POLR3A: variants seen among roughly 807,000 people sequenced by gnomAD.
POLR3A encodes RNA polymerase III subunit A.
POLR3A carries 112 observed loss-of-function variants against 152.8 expected under a neutral mutation model. The ratio of observed to expected loss-of-function variants is 0.73; its 90% CI spans 0.63 to 0.86. POLR3A has a LOEUF of 0.86. Ranked by LOEUF, POLR3A falls within the 40% of genes least tolerant of loss-of-function variation. The probability of loss-of-function intolerance (pLI) is 0.00; values close to 1 mark genes in which losing one functional copy is unlikely to be tolerated. For synonymous variants in POLR3A, 615 were observed against 652.1 expected (o/e 0.94, Z 0.87); for missense variants, 1,385 against 1,743.1 (o/e 0.79, Z 3.66).
rs1847490102 is a variant in POLR3A, at chr10:78,013,794, T to C, written c.1432-4A>G. ...TCCGGTGGGGCTTGACCCTGGCCTG[T>C]GGAACACAAAACAAAACAAAACAGG... On this transcript the variant is annotated splice_region_variant and splice_polypyrimidine_tract_variant and intron_variant, in intron 10 of 30. Transcript: ENST00000372371. 3 of 1,614,134 alleles carry C rather than the reference T, an allele frequency of 1.9e-6. No homozygotes were observed. Among genetic ancestry groups the C allele is most frequent in the Non-Finnish European group, 2.5e-6 (3 of 1,180,024 alleles).
At chr10:78,000,216 A>G (rs1847343673) in intron 18 of POLR3A, 98 bp from the exon 19 acceptor site, 4 of 1,005,222 alleles carry the variant, frequency 4.0e-6, no homozygotes, top group Non-Finnish European at 1.5e-6. Context: ...CCTTGAGACT[A>G]TAAATACCTG....
Position 78,009,870 on chromosome 10 carries a change from G to C in POLR3A, c.1764C>G (p.Ile588Met), listed in dbSNP as rs372916792. Reference sequence around the variant, plus strand: ...ACACAACTCCCACACACACCTTTAGGATTGTAGGCGGTGGGAGGCGAACTT... The same window carrying C: ...ACACAACTCCCACACACACCTTTAGCATTGTAGGCGGTGGGAGGCGAACTT... The part of the protein sequence containing the change: ...KIKVRLPPPT[I>M]LKPVTLWTGK... The change falls in exon 13 of 31, where the codon ATC becomes ATG. Residue 588 changes from isoleucine to methionine, a missense_variant. Physicochemically the swap from Ile to Met is conservative, Grantham distance 10 (BLOSUM62 1). Around this residue, in one of 7 missense-constraint regions of POLR3A, gnomAD observed 188 missense variants for 179.9 expected, o/e 1.04. Transcript: ENST00000372371. 5.0e-6 allele frequency: 8 copies of C among 1,614,038 alleles called. No homozygotes were observed. Among genetic ancestry groups the C allele is most frequent in the Non-Finnish European group, 5.9e-6 (7 of 1,179,984 alleles).
At position 77,999,165 on chromosome 10, in the gene POLR3A, C is replaced by T. The variant is rs180781162; in HGVS notation, c.2616+816G>A. Among the ~76,000 whole-genome samples the T allele has an allele frequency of 4.1e-3, 618 of 151,796 alleles. 3 individuals carry two copies. The highest frequency in any genetic ancestry group is 0.012 in the African/African-American group (495 of 41,372). On this transcript the variant is annotated intron_variant, in intron 19 of 30. Coordinates refer to ENST00000372371, the MANE Select transcript of POLR3A (RefSeq NM_007055.4). ...GGGGACTGTTGTGGGGTAGGGGGAG[C>T]GGGGAGGGATAGCATTAGGAGATAT... is the stretch of plus-strand genomic sequence containing the variant.
chr10:77,992,185 C>T (rs1338727195), intron 20 of POLR3A, among the ~76,000 whole-genome samples: 1 of 152,154 alleles, frequency 6.6e-6, no homozygotes, highest in African/African-American at 2.4e-5. Context: ...CTCTACTTGA[C>T]ACAGAGCGAA....
rs1399429058 is a variant in POLR3A, at chr10:77,993,277, C to T, written c.2707G>A (p.Gly903Arg). The T allele has an allele frequency of 6.2e-7, 1 of 1,613,048 alleles. No homozygotes were observed. Among genetic ancestry groups the T allele is most frequent in the South Asian group, 1.1e-5 (1 of 91,068 alleles). ...GCTGCAGGATCTAAGCCATCTCCTC[C>T]ATAAATGAACTGGATAATATCGCCA... ...STGDIIQFIYGGDGLDPAAME... is the reference protein window; with the variant it reads ...STGDIIQFIYRGDGLDPAAME... Residue 903 changes from glycine to arginine, a missense_variant, in exon 20 of 31, where the codon GGA becomes AGA. By Grantham distance (125) the Gly-to-Arg change is moderately radical. Transcript: ENST00000372371.
intron 22 of POLR3A, 27 bp from the exon 23 acceptor site, chr10:77,986,012 G>A (rs936999931): frequency 1.7e-5 from 27 of 1,609,828 alleles, no homozygotes; most frequent in Middle Eastern, 3.3e-4. Flanking sequence ...CAAGCACAGA[G>A]TTAGGGCCAG....
intron 17 of POLR3A, 76 bp downstream of exon 17, chr10:78,002,121 G>T: frequency 1.3e-6 from 1 of 778,758 alleles, no homozygotes; most frequent in Non-Finnish European, 2.2e-6. Context: ...TTGGAGCTGT[G>T]ACTATCACAT....
intron 4 of POLR3A, 71 bp from the exon 5 acceptor site, chr10:78,024,774 G>A: frequency 6.9e-7 from 1 of 1,451,012 alleles, no homozygotes. Flanking sequence ...TTGTAGTATG[G>A]TTAATGAAAT....
chr10:77,981,681 T>G (rs1458732394), intron 28 of POLR3A, 122 bp from the exon 29 acceptor site: 2 of 1,244,584 alleles, frequency 1.6e-6, no homozygotes, highest in African/African-American at 3.0e-5. Flanking sequence ...AGAAATGGAT[T>G]GCTGGGCAAT....
At chr10:77,982,597 G>C (rs1199410305) in intron 27 of POLR3A, 56 bp downstream of exon 27, 1 of 1,513,626 alleles carries the variant, frequency 6.6e-7, no homozygotes, top group East Asian at 2.3e-5. Context: ...TCCCAGCCCT[G>C]GGTGTCACAC....
intron 27 of POLR3A, 55 bp from the exon 28 acceptor site, chr10:77,982,373 G>T: frequency 2.7e-6 from 4 of 1,484,350 alleles, no homozygotes; most frequent in South Asian, 2.3e-5. Context: ...GCCCTGGGCT[G>T]ATCACCTTGA....
intron 11 of POLR3A, 155 bp downstream of exon 11, chr10:78,013,495 A>C (rs1847486303): frequency 2.7e-6 from 2 of 732,228 alleles, no homozygotes; most frequent in Non-Finnish European, 4.8e-6. Flanking sequence ...AAACCAATAA[A>C]AAGAGAGATA....
chr10:77,997,928 G>GA (rs1164741911), intron 19 of POLR3A, among the ~76,000 whole-genome samples: 4 of 151,886 alleles, frequency 2.6e-5, no homozygotes, highest in African/African-American at 9.7e-5. Context: ...AACCAAAACA[G>GA]AGATATAGAC....
chr10:78,025,276 T>C, intron 3 of POLR3A, 134 bp from the exon 4 acceptor site: 1 of 915,344 alleles, frequency 1.1e-6, no homozygotes. Context: ...GGCTCTATAC[T>C]ATGGATATGC....
At chr10:77,985,410 G>T in intron 23 of POLR3A, 70 bp from the exon 24 acceptor site, 2 of 1,207,330 alleles carry the variant, frequency 1.7e-6, no homozygotes, top group Non-Finnish European at 2.5e-6. Flanking sequence ...CTGGGGAGAG[G>T]CTTCTGGTTA....
chr10:77,978,364 C>T (rs1847108686), intron 30 of POLR3A, among the ~76,000 whole-genome samples: 1 of 152,104 alleles, frequency 6.6e-6, no homozygotes, highest in South Asian at 2.1e-4. Flanking sequence ...GCAATGAGGG[C>T]GAACACTGGG....
At chr10:77,981,697 G>C in intron 28 of POLR3A, 138 bp from the exon 29 acceptor site, 1 of 1,050,624 alleles carries the variant, frequency 9.5e-7, no homozygotes, top group Non-Finnish European at 1.5e-6. Flanking sequence ...GCAATTTTCA[G>C]TTGCAGACCC....
At chr10:78,022,942 G>A (rs1195157107) in intron 5 of POLR3A, among the ~76,000 whole-genome samples, 1 of 152,188 alleles carries the variant, frequency 6.6e-6, no homozygotes, top group Non-Finnish European at 1.5e-5. Context: ...TAGATTACCT[G>A]AGGTCAGGAG....
intron 21 of POLR3A, 136 bp from the exon 22 acceptor site, chr10:77,986,295 C>A (rs1267061737): frequency 2.8e-6 from 2 of 707,396 alleles, no homozygotes; most frequent in East Asian, 2.6e-5. Flanking sequence ...ATAAAGGACC[C>A]AATCTGGATA....
Sources: allele counts gnomAD v4.1 joint callset (sites outside exome capture counted in the v4.1 genomes callset), GRCh38; gene constraint gnomAD v4.1.1; regional missense constraint gnomAD v4.1.1; transcripts MANE v1.5; gene names NCBI Gene and HGNC (gene_info 2026-07-23, HGNC 2026-07-21).